Variants in PKNOX2 observed in about 807,000 individuals in gnomAD.
PKNOX2 encodes homeobox protein PKNOX2.
In PKNOX2, 14 loss-of-function variants were observed where a neutral mutation model predicts 53.1. That is an observed-to-expected ratio of 0.26 (90% confidence interval 0.17 to 0.41). The LOEUF is 0.41. Ranked by LOEUF, PKNOX2 falls within the 10% of genes least tolerant of loss-of-function variation. The probability of loss-of-function intolerance (pLI) is 1.00; values close to 1 mark genes in which losing one functional copy is unlikely to be tolerated. For synonymous variants in PKNOX2, 257 were observed against 242.8 expected (o/e 1.06, Z -0.54); for missense variants, 496 against 602.8 (o/e 0.82, Z 1.85).
In PKNOX2 at chr11:125,183,341, C is replaced by T. The variant is rs1452168896; in HGVS notation, c.-201+18565C>T. ...ACGCCATTCTCCTGCCTCAGCCTCC[C>T]GAGTAGCTGGGACTACAGGCGCCCG... On this transcript the variant is annotated intron_variant, in intron 1 of 12. Coordinates refer to ENST00000298282, the MANE Select transcript of PKNOX2 (RefSeq NM_001382323.2). Among the ~76,000 whole-genome samples, 3 of 114,628 alleles carry T rather than the reference C, an allele frequency of 2.6e-5. 1 individual carries two copies. The highest frequency in any genetic ancestry group is 2.5e-4 in the Admixed American group (3 of 12,134). 75.2% of individuals were successfully genotyped at this position (114,628 alleles called of 152,430 possible).
chr11:125,172,711 CGTGGCTTT>C (rs1955418657), intron 1 of PKNOX2, among the ~76,000 whole-genome samples: 1 of 152,206 alleles, frequency 6.6e-6, no homozygotes, highest in African/African-American at 2.4e-5. Flanking sequence ...TGGATTGCTT[CGTGGCTTT>C]GTGGCTAGGC....
intron 2 of PKNOX2, among the ~76,000 whole-genome samples, chr11:125,301,835 G>A (rs895010293): frequency 2.0e-5 from 3 of 152,164 alleles, no homozygotes; most frequent in Non-Finnish European, 4.4e-5. Context: ...TCCCTTTCTG[G>A]GTGTTGATTT....
At position 125,351,410 on chromosome 11, in the gene PKNOX2, G is replaced by A. The variant is rs780969048; in HGVS notation, c.87+18G>A. ...GCCCACAGGTGAGTGCGCAGGGGCC[G>A]CTGCCTCCCACCACGGGGGAGGGAG... On this transcript the variant is annotated intron_variant, in intron 4 of 12. Coordinates refer to ENST00000298282, the MANE Select transcript of PKNOX2 (RefSeq NM_001382323.2). 9 of 1,531,064 alleles carry A rather than the reference G, an allele frequency of 5.9e-6. No homozygotes were observed. The East Asian group carries it at 1.4e-4, about 23-fold the overall frequency. The allele number at this position is 1,531,064 out of a possible 1,614,324, so 94.8% of individuals were successfully genotyped here. A position where few individuals can be genotyped will look rare whatever the true frequency, so the allele number is the denominator to read the frequency against.
intron 7 of PKNOX2, among the ~76,000 whole-genome samples, chr11:125,406,500 C>T (rs937869645): frequency 9.9e-5 from 15 of 152,202 alleles, no homozygotes; most frequent in Non-Finnish European, 1.3e-4. Context: ...TAAATCCCAA[C>T]TGTACGACTC....
intron 1 of PKNOX2, among the ~76,000 whole-genome samples, chr11:125,188,358 A>G (rs757376513): frequency 7.2e-5 from 11 of 152,190 alleles, no homozygotes; most frequent in Non-Finnish European, 1.6e-4. Context: ...CTGATAGATC[A>G]TGTCTTCTGG....
chr11:125,209,850 G>A (rs1416634011), intron 1 of PKNOX2, among the ~76,000 whole-genome samples: 1 of 152,002 alleles, frequency 6.6e-6, no homozygotes, highest in Admixed American at 6.6e-5. Context: ...CCACCCTGGT[G>A]TCATTCTTCA....
At chr11:125,371,182 G>T (rs1952516119) in intron 5 of PKNOX2, among the ~76,000 whole-genome samples, 1 of 152,144 alleles carries the variant, frequency 6.6e-6, no homozygotes, top group Non-Finnish European at 1.5e-5. Flanking sequence ...GCAACCAGGG[G>T]CTCCGGCTCA....
intron 7 of PKNOX2, among the ~76,000 whole-genome samples, chr11:125,405,988 G>A (rs1274558925): frequency 6.6e-6 from 1 of 152,204 alleles, no homozygotes; most frequent in Non-Finnish European, 1.5e-5. Flanking sequence ...GCAGGGATGT[G>A]AGGCTCTGGG....
chr11:125,349,803 C>A (rs1369964568), intron 3 of PKNOX2, among the ~76,000 whole-genome samples: 1 of 151,200 alleles, frequency 6.6e-6, no homozygotes, highest in Admixed American at 6.6e-5. Flanking sequence ...CAGAGTAGAT[C>A]TTACTTCCAC....
rs564783170 is a variant in PKNOX2 at position 125,242,932 on chromosome 11, G to A, written c.-130+7817G>A. ...TGGATAAGTGAAGGATTGAACAAGT[G>A]TGCATTTTGGTGTCAGACAGACTTG... is the stretch of plus-strand genomic sequence containing the variant. On this transcript the variant is annotated intron_variant, in intron 2 of 12. Coordinates refer to ENST00000298282, the MANE Select transcript of PKNOX2 (RefSeq NM_001382323.2). 4.6e-5 allele frequency among the ~76,000 whole-genome samples: 7 copies of A among 152,310 alleles called. No homozygotes were observed. The South Asian group carries it at 1.0e-3, about 23-fold the overall frequency.
At chr11:125,249,121 A>G (rs1279103287) in intron 2 of PKNOX2, among the ~76,000 whole-genome samples, 1 of 150,464 alleles carries the variant, frequency 6.6e-6, no homozygotes, top group African/African-American at 2.4e-5. Context: ...GGTGATTATA[A>G]ATTTTTACTG....
At chr11:125,336,934 T>C (rs1950462980) in intron 3 of PKNOX2, among the ~76,000 whole-genome samples, 1 of 148,866 alleles carries the variant, frequency 6.7e-6, no homozygotes. Flanking sequence ...CTGTGTACTA[T>C]AATATATAAT....
intron 1 of PKNOX2, among the ~76,000 whole-genome samples, chr11:125,187,762 G>T (rs1172279012): frequency 6.6e-6 from 1 of 152,072 alleles, no homozygotes; most frequent in African/African-American, 2.4e-5. Flanking sequence ...TAGGAGGAAA[G>T]CTTTCTGTCT....
chr11:125,237,915 T>A (rs530820595), intron 2 of PKNOX2, among the ~76,000 whole-genome samples: 2 of 152,126 alleles, frequency 1.3e-5, no homozygotes, highest in East Asian at 3.9e-4. Flanking sequence ...CTGGGGTAGG[T>A]TTCACACAAA....
intron 3 of PKNOX2, among the ~76,000 whole-genome samples, chr11:125,336,272 C>T (rs938939961): frequency 2.6e-5 from 4 of 152,128 alleles, no homozygotes; most frequent in African/African-American, 7.2e-5. Flanking sequence ...TCAACCACAA[C>T]AGCTTCTGGC....
intron 5 of PKNOX2, among the ~76,000 whole-genome samples, chr11:125,369,980 A>G (rs1027878644): frequency 2.0e-5 from 3 of 152,150 alleles, no homozygotes; most frequent in Admixed American, 6.5e-5. Flanking sequence ...TAAGGACTCA[A>G]TCTGCATTTT....
chr11:125,391,654 C>A (rs1008700652), intron 6 of PKNOX2, among the ~76,000 whole-genome samples: 3 of 152,130 alleles, frequency 2.0e-5, no homozygotes, highest in African/African-American at 7.2e-5. Context: ...AATAAGAAAC[C>A]CCATTTTTGT....
chr11:125,265,673 G>T (rs1002771260), intron 2 of PKNOX2, among the ~76,000 whole-genome samples: 1 of 152,174 alleles, frequency 6.6e-6, no homozygotes, highest in Non-Finnish European at 1.5e-5. Context: ...TTTCTGAGGG[G>T]TCTAAGCCCC....
chr11:125,334,673 A>ACTGCAACCT (rs1950338756), intron 3 of PKNOX2, among the ~76,000 whole-genome samples: 1 of 150,296 alleles, frequency 6.7e-6, no homozygotes, highest in African/African-American at 2.5e-5. Context: ...GTCTCAGCTC[A>ACTGCAACCT]CTGCAACCTC....
Sources: gnomAD v4.1 joint callset for allele counts (sites outside exome capture counted in the v4.1 genomes callset) on GRCh38, gnomAD v4.1.1 for gene constraint, MANE v1.5 for transcripts, NCBI Gene and HGNC (gene_info 2026-07-23, HGNC 2026-07-21) for gene names.